ITM2A: variants seen among roughly 807,000 people sequenced by gnomAD.
ITM2A encodes BRICHOS domain containing 2A.
ITM2A carries 11 observed loss-of-function variants against 16.6 expected under a neutral mutation model. That is an observed-to-expected ratio of 0.66 (90% CI 0.42 to 1.10). ITM2A has a LOEUF of 1.10. ITM2A is among the 50% of genes least tolerant of loss of function. The probability of loss-of-function intolerance (pLI) is 0.00; values close to 1 mark genes in which losing one functional copy is unlikely to be tolerated. For synonymous variants in ITM2A, 102 were observed against 71.2 expected (o/e 1.43, Z -2.18); for missense variants, 243 against 206.8 (o/e 1.17, Z -1.07).
At position 79,367,166 on chromosome X, in the gene ITM2A, G is replaced by T; in HGVS notation, c.50C>A (p.Ala17Glu). The T allele has an allele frequency of 8.3e-7, 1 of 1,209,039 alleles. No homozygotes were observed. ...CAGGAGGGCCTCCACGTCTTGCCGCGCCTCCTCCTTTTGCACGGCGGTAGG... is the reference window on the plus strand; with the variant it reads ...CAGGAGGGCCTCCACGTCTTGCCGCTCCTCCTCCTTTTGCACGGCGGTAGG... The part of the protein sequence containing the change: ...NTPTAVQKEE[A>E]RQDVEALLSR... Residue 17 changes from alanine to glutamate, a missense_variant, in exon 1 of 6, where the codon GCG becomes GAG. By Grantham distance (107) the Ala-to-Glu change is moderately radical. Coordinates refer to ENST00000373298, the MANE Select transcript of ITM2A (RefSeq NM_004867.5).
At chrX:79,364,183 T>C (rs191783401) in intron 1 of ITM2A, among the ~76,000 whole-genome samples, 2 of 112,127 alleles carry the variant, frequency 1.8e-5, no homozygotes, top group Admixed American at 9.5e-5. Flanking sequence ...ATAAGGTATA[T>C]GCCATTTTCC....
At chrX:79,364,438 C>T (rs1183890328) in intron 1 of ITM2A, among the ~76,000 whole-genome samples, 3 of 111,801 alleles carry the variant, frequency 2.7e-5, no homozygotes, top group African/African-American at 9.7e-5. Flanking sequence ...TATTTTGCTT[C>T]GGGATTGAAA....
In ITM2A at chrX:79,360,908, T is replaced by C; in HGVS notation, c.*181A>G. ...AGTTTCAAAAAACAAGCAATGCCAA[T>C]TAAACTAAAATTTGACAAGAGCTTG... On this transcript the variant is annotated 3_prime_UTR_variant, in exon 6 of 6. Coordinates refer to ENST00000373298, the MANE Select transcript of ITM2A (RefSeq NM_004867.5). The C allele has an allele frequency of 3.6e-6, 1 of 277,314 alleles. No individual in the cohort carries two copies. Among genetic ancestry groups the C allele is most frequent in the South Asian group, 2.1e-4 (1 of 4,652 alleles). The allele number at this position is 277,314 out of a possible 1,213,427, so 22.9% of individuals were successfully genotyped here.
At chrX:79,361,217 T>C (rs374993264) in intron 5 of ITM2A, 40 bp from the exon 6 acceptor site, 85 of 1,140,063 alleles carry the variant, frequency 7.5e-5, no homozygotes, top group Middle Eastern at 2.4e-4. Flanking sequence ...TTTGAAATTT[T>C]TGTGGAAATG....
chrX:79,363,292 A>C (rs971983962), intron 2 of ITM2A, 131 bp downstream of exon 2: 3 of 750,263 alleles, frequency 4.0e-6, no homozygotes, highest in Non-Finnish European at 3.8e-6. Flanking sequence ...AATTTTATGA[A>C]CTGAAAGGCA....
rs140705822 is a variant in ITM2A at position 79,367,204 on chromosome X, G to A, written c.12C>T (p.Ile4=). 134 of 1,196,588 alleles carry A rather than the reference G, an allele frequency of 1.1e-4. No individual in the cohort carries two copies. Among genetic ancestry groups the A allele is most frequent in the Non-Finnish European group, 1.5e-4 (130 of 885,237 alleles). ...GCACGGCGGTAGGGGTATTGAAGGC[G>A]ATTTTCACCATAGTGAATCTTCGGG... MVK[I]AFNTPTAVQK... Residue 4 remains isoleucine, a synonymous_variant, in exon 1 of 6, where the codon ATC becomes ATT. Coordinates refer to ENST00000373298, the MANE Select transcript of ITM2A (RefSeq NM_004867.5).
At chrX:79,365,995 T>G (rs999643039) in intron 1 of ITM2A, among the ~76,000 whole-genome samples, 2 of 112,181 alleles carry the variant, frequency 1.8e-5, no homozygotes, top group Non-Finnish European at 3.8e-5. Context: ...ACTTTTTATA[T>G]CTCCACTTTG....
intron 3 of ITM2A, 50 bp from the exon 4 acceptor site, chrX:79,362,741 T>C: frequency 1.1e-6 from 1 of 921,979 alleles, no homozygotes; most frequent in Non-Finnish European, 1.5e-6. Flanking sequence ...GCATTAACAT[T>C]GCGAATTTTC....
At chrX:79,361,731 T>C (rs762576349) in intron 4 of ITM2A, among the ~76,000 whole-genome samples, 17 of 111,390 alleles carry the variant, frequency 1.5e-4, no homozygotes, top group African/African-American at 5.5e-4. Flanking sequence ...CATGTGTTCT[T>C]TGCATTTGGC....
chrX:79,361,032 A>G lies in ITM2A; in HGVS notation c.*57T>C. ...GAGTATCCCATAAACCTTAATGTTA[A>G]AGTCATATTGTAAATCTCTGACTTC... On this transcript the variant is annotated 3_prime_UTR_variant, in exon 6 of 6. Transcript: ENST00000373298. 1 of 686,485 alleles carries G rather than the reference A, an allele frequency of 1.5e-6. No homozygotes were observed. The highest frequency in any genetic ancestry group is 2.3e-6 in the Non-Finnish European group (1 of 440,841). The allele number at this position is 686,485 out of a possible 1,213,427, so 56.6% of individuals were successfully genotyped here.
chrX:79,366,379 T>A (rs930178681), intron 1 of ITM2A, among the ~76,000 whole-genome samples: 6 of 111,481 alleles, frequency 5.4e-5, no homozygotes, highest in African/African-American at 2.0e-4. Context: ...AAGAGTGTTT[T>A]CTTTAGGAAA....
intron 4 of ITM2A, 53 bp from the exon 5 acceptor site, chrX:79,361,532 T>C: frequency 1.9e-6 from 2 of 1,079,337 alleles, no homozygotes; most frequent in Admixed American, 4.9e-5. Flanking sequence ...CTTTTTAACT[T>C]TGAAGTTCAG....
At chrX:79,363,332 C>T in intron 2 of ITM2A, 91 bp downstream of exon 2, 2 of 828,150 alleles carry the variant, frequency 2.4e-6, no homozygotes, top group Non-Finnish European at 3.3e-6. Flanking sequence ...ATCTTCTTTT[C>T]TCTAGTCACC....
At position 79,361,324 on chromosome X, in the gene ITM2A, C is replaced by T. The variant is rs1163426387; in HGVS notation, c.703+5G>A. ...GGTGAAGGAAGGAATACATTAGTTA[C>T]TTACCCAGCAAGAGGTCTCTGCGAC... is the stretch of plus-strand genomic sequence containing the variant. On this transcript the variant is annotated splice_donor_5th_base_variant and intron_variant, in intron 5 of 5. Coordinates refer to ENST00000373298, the MANE Select transcript of ITM2A (RefSeq NM_004867.5). The T allele has an allele frequency of 1.7e-6, 2 of 1,205,701 alleles. No homozygotes were observed. The highest frequency in any genetic ancestry group is 4.4e-5 in the Admixed American group (2 of 45,826).
intron 2 of ITM2A, 89 bp from the exon 3 acceptor site, chrX:79,363,228 A>G: frequency 1.2e-6 from 1 of 831,550 alleles, no homozygotes; most frequent in Admixed American, 2.8e-5. Context: ...AATTCATTGT[A>G]CTATGTGTTA....
In ITM2A at chrX:79,365,707, T is replaced by A. The variant is rs140236098; in HGVS notation, c.111+1398A>T. Among the ~76,000 whole-genome samples the A allele has an allele frequency of 8.2e-5, 9 of 109,671 alleles. No individual in the cohort carries two copies. In the South Asian group the frequency reaches 1.6e-3, roughly 19 times the overall value. On this transcript the variant is annotated intron_variant, in intron 1 of 5. Transcript: ENST00000373298. ...TTACTGTGTGGCTATATTTAACTAC[T>A]GGCCTCTAATTAGACCTCCCAAAAA... is the stretch of plus-strand genomic sequence containing the variant.
rs1490946402 is a variant in ITM2A, at chrX:79,363,482, A to G, written c.184T>C (p.Phe62Leu). 1.7e-6 allele frequency: 2 copies of G among 1,187,311 alleles called. No individual in the cohort carries two copies. Among genetic ancestry groups the G allele is most frequent in the East Asian group, 6.0e-5 (2 of 33,590 alleles). ...CCAACAATAAGTCCTGCCAAGATGA[A>G]TGAAAGGCCTAAGAGAGTAAGCATA... is the stretch of plus-strand genomic sequence containing the variant. ...RCMLTLLGLS[F>L]ILAGLIVGGA... is the part of the protein sequence containing the mutation. Residue 62 changes from phenylalanine to leucine, a missense_variant, in exon 2 of 6, where the codon TTC becomes CTC. Phe to Leu is a conservative substitution (Grantham distance 22, BLOSUM62 0). Transcript: ENST00000373298.
intron 1 of ITM2A, 200 bp downstream of exon 1, chrX:79,366,905 G>A (rs1925593846): frequency 2.5e-6 from 1 of 404,813 alleles, no homozygotes. Flanking sequence ...AACATGGCAC[G>A]ACACGCGGGA....
At position 79,363,406 on chromosome X, in the gene ITM2A, A is replaced by C; in HGVS notation, c.243+17T>G. Reference sequence around the variant, plus strand: ...AGTAGTAATCCAAAGTATAATAATTATAATTATTATTATTACCTTGGGCAT... The same window carrying C: ...AGTAGTAATCCAAAGTATAATAATTCTAATTATTATTATTACCTTGGGCAT... On this transcript the variant is annotated intron_variant, in intron 2 of 5. Coordinates refer to ENST00000373298, the MANE Select transcript of ITM2A (RefSeq NM_004867.5). The C allele has an allele frequency of 9.3e-7, 1 of 1,075,900 alleles. No homozygotes were observed. 88.7% of individuals were successfully genotyped at this position (1,075,900 alleles called of 1,213,427 possible). A position where few individuals can be genotyped will look rare whatever the true frequency, so the allele number is the denominator to read the frequency against.
Sources: allele counts gnomAD v4.1 joint callset (sites outside exome capture counted in the v4.1 genomes callset), GRCh38; gene constraint gnomAD v4.1.1; transcripts MANE v1.5; gene names NCBI Gene and HGNC (gene_info 2026-07-23, HGNC 2026-07-21).